The following KCTD18 variants were observed in gnomAD, a reference collection of about 807,000 sequenced individuals.
KCTD18 encodes the protein potassium channel tetramerization domain containing 18.
In KCTD18, 22 loss-of-function variants were observed where a neutral mutation model predicts 30.4. The observed-to-expected ratio is 0.72, with a 90% CI of 0.52 to 1.03. KCTD18 has a LOEUF of 1.03. Ranked by LOEUF, KCTD18 falls within the 50% of genes least tolerant of loss-of-function variation. The probability of loss-of-function intolerance (pLI) is 0.00; values close to 1 mark genes in which losing one functional copy is unlikely to be tolerated. For synonymous variants in KCTD18, 186 were observed against 209.0 expected, an observed-to-expected ratio of 0.89 and a Z score of 0.95; for missense variants, 529 against 547.6, an observed-to-expected ratio of 0.97 and a Z score of 0.34.
intron 6 of KCTD18, among the ~76,000 whole-genome samples, chr2:200,492,230 C>T (rs986515076): frequency 6.6e-6 from 1 of 152,148 alleles, no homozygotes; most frequent in Non-Finnish European, 1.5e-5. Context: ...CTGCCCTGTG[C>T]ACTGTAGGAT....
chr2:200,509,605 C>T (rs1443798652), intron 1 of KCTD18, 23 bp downstream of exon 1: 1 of 152,304 alleles, frequency 6.6e-6, no homozygotes, highest in Non-Finnish European at 1.5e-5. Context: ...ACAATGTCCC[C>T]CAGAGTGCAT....
At chr2:200,497,900 A>G (rs952326811) in intron 4 of KCTD18, 53 bp from the exon 5 acceptor site, 19 of 1,152,280 alleles carry the variant, frequency 1.6e-5, no homozygotes, top group Non-Finnish European at 1.6e-5. Flanking sequence ...ATGGATGTGC[A>G]TATATACATA....
Position 200,489,944 on chromosome 2 carries a change from C to A in KCTD18, c.*156G>T. 1.4e-6 allele frequency: 1 copy of A among 725,972 alleles called. No homozygotes were observed. The highest frequency in any genetic ancestry group is 2.1e-6 in the Non-Finnish European group (1 of 469,610). The allele number at this position is 725,972 out of a possible 1,614,324, so 45.0% of individuals were successfully genotyped here. On this transcript the variant is annotated 3_prime_UTR_variant, in exon 7 of 7. Transcript: ENST00000359878. ...TGGAGCCTTAACCATTGAAAGTCTC[C>A]CCTCCTCCATTCCTAGCTCACACAA...
chr2:200,490,323 T>C lies in KCTD18; in HGVS notation c.1058A>G (p.Glu353Gly). 6.2e-7 allele frequency: 1 copy of C among 1,614,250 alleles called. No homozygotes were observed. Among genetic ancestry groups the C allele is most frequent in the South Asian group, 1.1e-5 (1 of 91,090 alleles). ...TGGAGGTAAGTGCGTGCCTCCATTT[T>C]CAGCGCTCGCAGCCCCAGGGGAAGC... ...PQASPGAASAENGGTHLPPAK... is the reference protein window; with the variant it reads ...PQASPGAASAGNGGTHLPPAK... The change falls in exon 7 of 7, where the codon GAA becomes GGA. Residue 353 changes from glutamate to glycine, a missense_variant. Coordinates refer to ENST00000359878, the MANE Select transcript of KCTD18 (RefSeq NM_152387.4).
At chr2:200,506,207 C>T (rs2030189037) in intron 2 of KCTD18, among the ~76,000 whole-genome samples, 1 of 152,204 alleles carries the variant, frequency 6.6e-6, no homozygotes, top group Non-Finnish European at 1.5e-5. Flanking sequence ...CAAAAAACTT[C>T]ATTTGTATTG....
chr2:200,505,151 T>C (rs2030117288), intron 2 of KCTD18, among the ~76,000 whole-genome samples, 192 bp from the exon 3 acceptor site: 1 of 152,242 alleles, frequency 6.6e-6, no homozygotes, highest in African/African-American at 2.4e-5. Context: ...AAATATGATA[T>C]ACCAGCAACC....
chr2:200,505,483 A>G (rs992188324), intron 2 of KCTD18, among the ~76,000 whole-genome samples: 2 of 152,212 alleles, frequency 1.3e-5, no homozygotes, highest in African/African-American at 4.8e-5. Context: ...TCTCACTACC[A>G]TATGGGAAAA....
intron 3 of KCTD18, among the ~76,000 whole-genome samples, chr2:200,503,543 C>T (rs568011930): frequency 2.0e-5 from 3 of 152,298 alleles, no homozygotes; most frequent in Admixed American, 1.3e-4. Context: ...TAAAAGATTA[C>T]AGAGCTGAGA....
At position 200,509,983 on chromosome 2, in the gene KCTD18, G is replaced by A. The variant is rs2030447986; in HGVS notation, c.-431C>T. On this transcript the variant is annotated 5_prime_UTR_variant, in exon 1 of 7. Coordinates refer to ENST00000359878, the MANE Select transcript of KCTD18 (RefSeq NM_152387.4). ...CCGGCTCTTCCGCACCGGGGGGGTGGGGCGGGTCGGCAGCTTCCCAGACTG... is the reference window on the plus strand; with the variant it reads ...CCGGCTCTTCCGCACCGGGGGGGTGAGGCGGGTCGGCAGCTTCCCAGACTG... 6.6e-6 allele frequency: 1 copy of A among 152,000 alleles called. No homozygotes were observed. The highest frequency in any genetic ancestry group is 6.6e-5 in the Admixed American group (1 of 15,264). The allele number at this position is 152,000 out of a possible 1,614,324, so 9.4% of individuals were successfully genotyped here.
chr2:200,497,206 T>A (rs1460720672), intron 5 of KCTD18: 1 of 152,786 alleles, frequency 6.5e-6, no homozygotes, highest in Non-Finnish European at 1.5e-5. Flanking sequence ...AGTTTCCTCA[T>A]CTATAAAATA....
intron 3 of KCTD18, among the ~76,000 whole-genome samples, chr2:200,502,835 A>G (rs555814938): frequency 9.2e-5 from 14 of 152,172 alleles, no homozygotes; most frequent in Non-Finnish European, 1.6e-4. Context: ...GTTCGAGACC[A>G]GCCTGACCAA....
chr2:200,493,334 A>G, intron 5 of KCTD18, 60 bp from the exon 6 acceptor site: 4 of 1,006,250 alleles, frequency 4.0e-6, no homozygotes, highest in Non-Finnish European at 6.3e-6. Flanking sequence ...GCTGAGCAAC[A>G]CTGTTTCGCC....
At position 200,498,761 on chromosome 2, in the gene KCTD18, A is replaced by C. The variant is rs147278232; in HGVS notation, c.566+130T>G. 6.6e-3 allele frequency: 4,908 copies of C among 746,150 alleles called. 24 individuals are homozygous for C. Among genetic ancestry groups the C allele is most frequent in the Middle Eastern group, 0.011 (30 of 2,648 alleles). The allele number at this position is 746,150 out of a possible 1,614,324, so 46.2% of individuals were successfully genotyped here. On this transcript the variant is annotated intron_variant, in intron 4 of 6. Transcript: ENST00000359878. ...ATGAAGCAGGCCTATCTCAACTGCT[A>C]TGATGGCTCACTGTGTCTCCTGAGA...
intron 5 of KCTD18, among the ~76,000 whole-genome samples, chr2:200,494,017 A>C (rs1309035378): frequency 6.6e-6 from 1 of 152,264 alleles, no homozygotes; most frequent in Non-Finnish European, 1.5e-5. Flanking sequence ...AATTCATTTT[A>C]ATTTTTAAAT....
chr2:200,501,264 C>G (rs1302252869), intron 3 of KCTD18, among the ~76,000 whole-genome samples: 1 of 139,522 alleles, frequency 7.2e-6, no homozygotes, highest in Non-Finnish European at 1.6e-5. Context: ...GCAATGGCAA[C>G]AAAAGCCAAA....
At chr2:200,493,429 G>A (rs894637760) in intron 5 of KCTD18, among the ~76,000 whole-genome samples, 155 bp from the exon 6 acceptor site, 1 of 152,224 alleles carries the variant, frequency 6.6e-6, no homozygotes, top group South Asian at 2.1e-4. Context: ...CTCACACGAG[G>A]AGCTAGGGCC....
At position 200,509,911 on chromosome 2, in the gene KCTD18, T is replaced by C. The variant is rs1267028263; in HGVS notation, c.-359A>G. On this transcript the variant is annotated 5_prime_UTR_variant, in exon 1 of 7. Coordinates refer to ENST00000359878, the MANE Select transcript of KCTD18 (RefSeq NM_152387.4). ...GCGTTACCAGCGCGGCCCGTGCCCT[T>C]CCTCAGGGCGCCCCGCCGCCTTCCG... 1.3e-5 allele frequency: 2 copies of C among 148,340 alleles called. No homozygotes were observed. Among genetic ancestry groups the C allele is most frequent in the African/African-American group, 2.5e-5 (1 of 40,648 alleles). The allele number at this position is 148,340 out of a possible 1,614,324, so 9.2% of individuals were successfully genotyped here.
intron 1 of KCTD18, among the ~76,000 whole-genome samples, chr2:200,508,249 C>T (rs1314540306): frequency 1.3e-5 from 2 of 152,142 alleles, no homozygotes; most frequent in African/African-American, 2.4e-5. Flanking sequence ...ACCATCATGC[C>T]GGGCTAATTC....
rs1402730760 is a variant in KCTD18, at chr2:200,502,309, GA to G, written c.372+2438del. Among the ~76,000 whole-genome samples, 5 of 150,076 alleles carry G rather than the reference GA, an allele frequency of 3.3e-5. No homozygotes were observed. In the South Asian group the frequency reaches 8.5e-4, roughly 25 times the overall value. ...ATAATAATAATAAATTTAAAAAAAA[GA>G]AAAAAAAAGAAATCTTCATATAATA... On this transcript the variant is annotated intron_variant, in intron 3 of 6. Coordinates refer to ENST00000359878, the MANE Select transcript of KCTD18 (RefSeq NM_152387.4).
Sources: allele counts gnomAD v4.1 joint callset (sites outside exome capture counted in the v4.1 genomes callset), GRCh38; gene constraint gnomAD v4.1.1; transcripts MANE v1.5; gene names NCBI Gene and HGNC (gene_info 2026-07-23, HGNC 2026-07-21).